Variants in ERG observed in about 807,000 individuals in gnomAD.
ERG encodes transcriptional regulator ERG.
Under a neutral mutation model 55.3 loss-of-function variants are expected in ERG, and 9 were observed. The observed-to-expected ratio is 0.16, with a 90% CI of 0.10 to 0.28. ERG has a LOEUF of 0.28. ERG is among the 10% of genes least tolerant of loss of function. The probability of loss-of-function intolerance (pLI) is 1.00; values close to 1 mark genes in which losing one functional copy is unlikely to be tolerated. For missense variants in ERG, 434 were observed against 631.6 expected, an observed-to-expected ratio of 0.69 and a Z score of 3.35; for synonymous variants, 223 against 237.3, an observed-to-expected ratio of 0.94 and a Z score of 0.55.
At chr21:38,592,336 C>G (rs2060105434) in intron 1 of ERG, among the ~76,000 whole-genome samples, 2 of 152,210 alleles carry the variant, frequency 1.3e-5, no homozygotes, top group African/African-American at 4.8e-5. Context: ...GACCAAGAAG[C>G]CTGGAACTGT....
chr21:38,506,208 T>A (rs573448453), intron 2 of ERG, among the ~76,000 whole-genome samples: 1 of 152,142 alleles, frequency 6.6e-6, no homozygotes, highest in South Asian at 2.1e-4. Context: ...GCCTGAAAAA[T>A]TTACCACTTT....
chr21:38,593,965 A>G (rs887106938), intron 1 of ERG, among the ~76,000 whole-genome samples: 22 of 151,362 alleles, frequency 1.5e-4, no homozygotes, highest in African/African-American at 4.7e-4. Flanking sequence ...AAGAAAAAAG[A>G]AGAAAAAATA....
rs1398576558 is a variant in ERG, at chr21:38,510,631, A to G, written c.-41+65031T>C. Among the ~76,000 whole-genome samples, 5 of 152,198 alleles carry G rather than the reference A, an allele frequency of 3.3e-5. No homozygotes were observed. In the East Asian group the frequency reaches 9.6e-4, roughly 29 times the overall value. On this transcript the variant is annotated intron_variant, in intron 2 of 8. Transcript: ENST00000398897. ...CATACCTTGTGCTTCTTTGTCAGTT[A>G]CTGCAAACCAAAACCAGATGTGAAG...
intron 2 of ERG, among the ~76,000 whole-genome samples, chr21:38,541,263 T>A (rs894463402): frequency 6.6e-6 from 1 of 152,102 alleles, no homozygotes; most frequent in Non-Finnish European, 1.5e-5. Context: ...TCAAATCAAA[T>A]TGGAAGAGAA....
At chr21:38,618,301 A>G (rs2060270727) in intron 1 of ERG, among the ~76,000 whole-genome samples, 1 of 152,228 alleles carries the variant, frequency 6.6e-6, no homozygotes, top group African/African-American at 2.4e-5. Context: ...AGGTGCATTC[A>G]GGAAAGATAA....
At chr21:38,474,665 T>A (rs2059170808) in intron 1 of ERG, among the ~76,000 whole-genome samples, 1 of 152,014 alleles carries the variant, frequency 6.6e-6, no homozygotes, top group South Asian at 2.1e-4. Context: ...GACTCCTACC[T>A]GTATGGAAGG....
intron 1 of ERG, among the ~76,000 whole-genome samples, chr21:38,456,823 T>C (rs888207786): frequency 6.6e-6 from 1 of 152,160 alleles, no homozygotes; most frequent in African/African-American, 2.4e-5. Context: ...CATAAATATA[T>C]CCTGGTTGCT....
intron 1 of ERG, among the ~76,000 whole-genome samples, chr21:38,488,704 TA>T (rs887836546): frequency 1.3e-5 from 2 of 152,220 alleles, no homozygotes; most frequent in Admixed American, 1.3e-4. Flanking sequence ...CAACTAACCA[TA>T]GAAAAGGCCT....
intron 2 of ERG, among the ~76,000 whole-genome samples, chr21:38,436,606 C>G (rs1013233671): frequency 6.6e-6 from 1 of 152,046 alleles, no homozygotes; most frequent in Non-Finnish European, 1.5e-5. Flanking sequence ...AGTGGTCATC[C>G]GTAAATGTGA....
At chr21:38,389,836 A>C (rs571205182) in intron 9 of ERG, among the ~76,000 whole-genome samples, 52 of 152,276 alleles carry the variant, frequency 3.4e-4, no homozygotes, top group African/African-American at 1.3e-3. Flanking sequence ...TTTTCTTTAG[A>C]TTTTCAGCTG....
chr21:38,454,734 T>A (rs2058971894), intron 1 of ERG, among the ~76,000 whole-genome samples: 1 of 152,240 alleles, frequency 6.6e-6, no homozygotes, highest in Non-Finnish European at 1.5e-5. Flanking sequence ...CTAGTCATAT[T>A]ATTCTAACAA....
chr21:38,384,726 A>C (rs1987612006), intron 9 of ERG, among the ~76,000 whole-genome samples: 1 of 152,196 alleles, frequency 6.6e-6, no homozygotes, highest in Non-Finnish European at 1.5e-5. Flanking sequence ...TCGAGAATGG[A>C]AGTAAACACC....
At chr21:38,503,666 C>T (rs1601150075) in intron 2 of ERG, among the ~76,000 whole-genome samples, 1 of 152,102 alleles carries the variant, frequency 6.6e-6, no homozygotes, top group Non-Finnish European at 1.5e-5. Context: ...TGTATATTGT[C>T]CTTAAGATGA....
chr21:38,614,199 A>C (rs1033342653), intron 1 of ERG, among the ~76,000 whole-genome samples: 4 of 152,186 alleles, frequency 2.6e-5, no homozygotes, highest in African/African-American at 9.7e-5. Context: ...ATGTAGGAGA[A>C]ACAGTTGTTT....
downstream of ERG, among the ~76,000 whole-genome samples, chr21:38,379,142 G>C (rs148051035): frequency 6.6e-6 from 1 of 152,288 alleles, no homozygotes; most frequent in Non-Finnish European, 1.5e-5. Context: ...GATCTAACCC[G>C]TCACCTCAGC....
chr21:38,579,518 C>T (rs1305475696), intron 1 of ERG, among the ~76,000 whole-genome samples: 1 of 152,142 alleles, frequency 6.6e-6, no homozygotes, highest in African/African-American at 2.4e-5. Flanking sequence ...CATGCAGAGA[C>T]AAGAGGGTGC....
chr21:38,478,082 C>T (rs562845688), intron 1 of ERG, among the ~76,000 whole-genome samples: 3 of 152,308 alleles, frequency 2.0e-5, no homozygotes, highest in South Asian at 2.1e-4. Context: ...TTGCACACAA[C>T]GAGGCTGAGC....
intron 2 of ERG, among the ~76,000 whole-genome samples, chr21:38,511,290 T>C (rs1462658637): frequency 6.6e-6 from 1 of 152,222 alleles, no homozygotes; most frequent in Non-Finnish European, 1.5e-5. Flanking sequence ...TACTTTAACA[T>C]AAAACTAAAT....
intron 1 of ERG, among the ~76,000 whole-genome samples, chr21:38,469,188 G>A (rs758781942): frequency 6.6e-6 from 1 of 152,032 alleles, no homozygotes; most frequent in Non-Finnish European, 1.5e-5. Context: ...TTATGCTAAA[G>A]TCCAGCCTCA....
Sources: gnomAD v4.1 joint callset for allele counts (sites outside exome capture counted in the v4.1 genomes callset) on GRCh38, gnomAD v4.1.1 for gene constraint, MANE v1.5 for transcripts, NCBI Gene and HGNC (gene_info 2026-07-23, HGNC 2026-07-21) for gene names.